The following TCERG1L variants were observed in gnomAD, a reference collection of about 807,000 sequenced individuals.
TCERG1L encodes transcription elongation regulator 1-like protein.
Under a neutral mutation model 56.3 loss-of-function variants are expected in TCERG1L, and 37 were observed. The observed-to-expected ratio is 0.66, with a 90% confidence interval of 0.51 to 0.87. The LOEUF (loss-of-function observed/expected upper bound fraction) is 0.87. TCERG1L is among the 40% of genes least tolerant of loss of function. TCERG1L has a pLI of 0.00. For missense variants in TCERG1L, 799 were observed against 774.2 expected, an observed-to-expected ratio of 1.03 and a Z score of -0.38; for synonymous variants, 324 against 326.3, an observed-to-expected ratio of 0.99 and a Z score of 0.08.
intron 3 of TCERG1L, among the ~76,000 whole-genome samples, chr10:131,268,412 C>G (rs1231403546): frequency 6.6e-6 from 1 of 152,148 alleles, no homozygotes. Flanking sequence ...TAGCATCGTT[C>G]TTGAGGGCCT....
At chr10:131,249,323 G>A (rs999526329) in intron 4 of TCERG1L, among the ~76,000 whole-genome samples, 1 of 152,182 alleles carries the variant, frequency 6.6e-6, no homozygotes, top group Non-Finnish European at 1.5e-5. Flanking sequence ...AAAGCCACCC[G>A]GCTACCCCAG....
chr10:131,177,719 C>A (rs2133449065), intron 4 of TCERG1L, among the ~76,000 whole-genome samples: 1 of 152,240 alleles, frequency 6.6e-6, no homozygotes, highest in East Asian at 1.9e-4. Flanking sequence ...TCTTCCGAGT[C>A]CGGCACAGAG....
chr10:131,145,515 A>T (rs1845784875), intron 7 of TCERG1L, among the ~76,000 whole-genome samples: 1 of 152,256 alleles, frequency 6.6e-6, no homozygotes, highest in East Asian at 1.9e-4. Flanking sequence ...TAAATGTGTG[A>T]TGTCTCAATC....
At chr10:131,112,791 G>A (rs7081022) in intron 9 of TCERG1L, among the ~76,000 whole-genome samples, 41,935 of 141,830 alleles carry the variant, frequency 0.3, 10,927 homozygotes, top group Middle Eastern at 0.4. Context: ...AGACGAGCTA[G>A]TAATGGAGGG....
intron 4 of TCERG1L, among the ~76,000 whole-genome samples, chr10:131,179,652 T>C (rs1845148533): frequency 6.6e-6 from 1 of 152,184 alleles, no homozygotes. Flanking sequence ...CTTCCACTAA[T>C]TCTTCTGGCC....
At chr10:131,122,707 T>G (rs2133394622) in intron 8 of TCERG1L, among the ~76,000 whole-genome samples, 1 of 152,310 alleles carries the variant, frequency 6.6e-6, no homozygotes, top group African/African-American at 2.4e-5. Flanking sequence ...TCTAGCAAAT[T>G]ATCAAACTTG....
intron 3 of TCERG1L, among the ~76,000 whole-genome samples, chr10:131,292,965 C>G (rs1055733015): frequency 5.9e-5 from 9 of 151,982 alleles, no homozygotes; most frequent in African/African-American, 1.7e-4. Flanking sequence ...ATTCTCCTGC[C>G]TCAGCCTCCC....
intron 3 of TCERG1L, among the ~76,000 whole-genome samples, chr10:131,299,394 G>C (rs1282112921): frequency 6.6e-6 from 1 of 151,220 alleles, no homozygotes; most frequent in Non-Finnish European, 1.5e-5. Flanking sequence ...CTTTTGGGTT[G>C]TTTATTATCA....
chr10:131,135,220 G>A lies in TCERG1L; in HGVS notation c.1190-772C>T, dbSNP rs529588018. On this transcript the variant is annotated intron_variant, in intron 7 of 11. Coordinates refer to ENST00000368642, the MANE Select transcript of TCERG1L (RefSeq NM_174937.4). Reference sequence around the variant, plus strand: ...TCTGTGTCTACCTCTGGCTTATTCCGCCCCGCCCAGCTTGGGTGGCCAACT... The same window carrying A: ...TCTGTGTCTACCTCTGGCTTATTCCACCCCGCCCAGCTTGGGTGGCCAACT... Among the ~76,000 whole-genome samples the A allele has an allele frequency of 9.5e-4, 144 of 152,104 alleles. No homozygotes were observed. In the Middle Eastern group the frequency reaches 0.01, roughly 11 times the overall value.
intron 7 of TCERG1L, among the ~76,000 whole-genome samples, chr10:131,145,537 C>T (rs1845785031): frequency 6.6e-6 from 1 of 152,224 alleles, no homozygotes; most frequent in African/African-American, 2.4e-5. Flanking sequence ...TAAAAGACTA[C>T]CACCATGTCT....
At chr10:131,270,678 C>CT (rs1340308425) in intron 3 of TCERG1L, among the ~76,000 whole-genome samples, 6 of 152,244 alleles carry the variant, frequency 3.9e-5, no homozygotes, top group African/African-American at 1.4e-4. Flanking sequence ...ACCTTCTTCT[C>CT]TGATTATCAA....
chr10:131,234,853 GCCA>G (rs751332991), intron 4 of TCERG1L, among the ~76,000 whole-genome samples: 1 of 152,162 alleles, frequency 6.6e-6, no homozygotes, highest in Non-Finnish European at 1.5e-5. Context: ...ACAGGCGTGC[GCCA>G]CCACGCCTAG....
intron 3 of TCERG1L, among the ~76,000 whole-genome samples, chr10:131,292,947 T>C (rs34952885): frequency 0.1 from 15,466 of 151,804 alleles, 895 homozygotes; most frequent in South Asian, 0.23. Flanking sequence ...ACCTCACAGG[T>C]TGAAGCGATT....
chr10:131,104,227 C>A (rs1169983862), intron 10 of TCERG1L, 38 bp downstream of exon 10: 39 of 1,380,148 alleles, frequency 2.8e-5, no homozygotes, highest in Non-Finnish European at 3.8e-5. Flanking sequence ...GCTTTCATGC[C>A]ATGTCTCTGC....
intron 4 of TCERG1L, among the ~76,000 whole-genome samples, chr10:131,252,833 GCA>G (rs200460353): frequency 0.014 from 2,159 of 152,298 alleles, 50 homozygotes; most frequent in African/African-American, 0.05. Flanking sequence ...AACATGATCT[GCA>G]CAGTGACCAG....
intron 3 of TCERG1L, among the ~76,000 whole-genome samples, chr10:131,282,488 A>G (rs1043516628): frequency 3.3e-5 from 5 of 152,226 alleles, no homozygotes; most frequent in Non-Finnish European, 7.3e-5. Context: ...CCATAGCACC[A>G]GGAAGACAAG....
chr10:131,288,623 C>G (rs1846572903), intron 3 of TCERG1L, among the ~76,000 whole-genome samples: 1 of 152,184 alleles, frequency 6.6e-6, no homozygotes, highest in Non-Finnish European at 1.5e-5. Context: ...GGAACGGGCC[C>G]TTACTTGAAG....
chr10:131,234,728 GTCT>G (rs34028954), intron 4 of TCERG1L, among the ~76,000 whole-genome samples: 25,209 of 152,160 alleles, frequency 0.17, 2,684 homozygotes, highest in East Asian at 0.32. Context: ...TTGAGACGGA[GTCT>G]TCTTGCTCTA....
intron 4 of TCERG1L, among the ~76,000 whole-genome samples, chr10:131,236,768 G>T (rs1845917587): frequency 6.6e-6 from 1 of 152,124 alleles, no homozygotes; most frequent in Non-Finnish European, 1.5e-5. Context: ...GAGAAGGAAG[G>T]AGTAAGGCAG....
Sources: allele counts gnomAD v4.1 joint callset (sites outside exome capture counted in the v4.1 genomes callset), GRCh38; gene constraint gnomAD v4.1.1; transcripts MANE v1.5; gene names NCBI Gene and HGNC (gene_info 2026-07-23, HGNC 2026-07-21).